The following USP10 variants were observed in gnomAD, a reference collection of about 807,000 sequenced individuals.
USP10 encodes ubiquitin specific peptidase 10.
Under a neutral mutation model 84.5 loss-of-function variants are expected in USP10, and 22 were observed. The ratio of observed to expected loss-of-function variants is 0.26; its 90% CI spans 0.19 to 0.37. USP10 has a LOEUF of 0.37. USP10 is among the 10% of genes least tolerant of loss of function. The pLI, the probability that USP10 is intolerant of heterozygous loss-of-function variation, is 1.00. For missense variants in USP10, 1,019 were observed against 998.9 expected, an observed-to-expected ratio of 1.02 and a Z score of -0.27; for synonymous variants, 454 against 387.6, an observed-to-expected ratio of 1.17 and a Z score of -2.01.
chr16:84,735,676 TTTTA>T (rs1300573377), intron 2 of USP10, among the ~76,000 whole-genome samples: 7 of 152,212 alleles, frequency 4.6e-5, no homozygotes, highest in Non-Finnish European at 8.8e-5. Context: ...ATGCCAAACC[TTTTA>T]TTCACAGAAG....
chr16:84,733,412 G>A, intron 1 of USP10, 23 bp from the exon 2 acceptor site: 2 of 1,543,804 alleles, frequency 1.3e-6, no homozygotes, highest in Non-Finnish European at 1.8e-6. Flanking sequence ...TATGTGATCA[G>A]TGACTCTCTT....
intron 4 of USP10, among the ~76,000 whole-genome samples, chr16:84,755,037 A>C (rs1483302294): frequency 1.3e-5 from 2 of 151,322 alleles, no homozygotes; most frequent in African/African-American, 2.4e-5. Flanking sequence ...TAGTGCAGCC[A>C]GTTCTTGATG....
chr16:84,726,854 G>A (rs1303905657), intron 1 of USP10, among the ~76,000 whole-genome samples: 4 of 152,240 alleles, frequency 2.6e-5, no homozygotes, highest in Non-Finnish European at 5.9e-5. Flanking sequence ...CCGCCCCTGG[G>A]CATTTCCTAT....
At chr16:84,744,087 CTT>C (rs1220109743) in intron 3 of USP10, among the ~76,000 whole-genome samples, 1 of 147,518 alleles carries the variant, frequency 6.8e-6, no homozygotes, top group Non-Finnish European at 1.5e-5. Context: ...TTTTTGACAT[CTT>C]TTTTTTTTGT....
intron 10 of USP10, among the ~76,000 whole-genome samples, chr16:84,767,113 A>T (rs761679774): frequency 6.6e-6 from 1 of 152,134 alleles, no homozygotes; most frequent in Non-Finnish European, 1.5e-5. Context: ...GAGCATGGAG[A>T]TGCGTAATTA....
intron 1 of USP10, among the ~76,000 whole-genome samples, chr16:84,729,024 C>T (rs868560364): frequency 2.0e-5 from 3 of 151,986 alleles, no homozygotes; most frequent in African/African-American, 4.8e-5. Context: ...TCTTGAACTC[C>T]TGAAGTCAAG....
intron 1 of USP10, among the ~76,000 whole-genome samples, chr16:84,704,054 A>G (rs1465993298): frequency 6.6e-6 from 1 of 152,260 alleles, no homozygotes; most frequent in Non-Finnish European, 1.5e-5. Flanking sequence ...TGCCAAGCCT[A>G]AGCGGCACGT....
chr16:84,711,719 CTTTTTTTTTTT>C (rs10706586), intron 1 of USP10, among the ~76,000 whole-genome samples: 2 of 114,268 alleles, frequency 1.8e-5, no homozygotes, highest in African/African-American at 3.7e-5. Flanking sequence ...GAAGGGCTAG[CTTTTTTTTTTT>C]TTTTTTTTTT....
At chr16:84,746,012 A>G (rs971806514) in intron 4 of USP10, among the ~76,000 whole-genome samples, 39 of 152,288 alleles carry the variant, frequency 2.6e-4, no homozygotes, top group African/African-American at 8.4e-4. Context: ...TACCTTTGGT[A>G]TGATAATCCT....
At chr16:84,723,727 T>C (rs1327757922) in intron 1 of USP10, among the ~76,000 whole-genome samples, 1 of 152,234 alleles carries the variant, frequency 6.6e-6, no homozygotes, top group Non-Finnish European at 1.5e-5. Flanking sequence ...AAATCAGCTT[T>C]ATGGAGGTAT....
At chr16:84,720,652 C>T (rs1207187031) in intron 1 of USP10, among the ~76,000 whole-genome samples, 1 of 125,440 alleles carries the variant, frequency 8.0e-6, no homozygotes, top group Non-Finnish European at 1.6e-5. Flanking sequence ...TGCGATCTTG[C>T]CTTACTGCAA....
intron 1 of USP10, among the ~76,000 whole-genome samples, chr16:84,706,287 G>C (rs192372236): frequency 2.2e-4 from 33 of 152,040 alleles, no homozygotes; most frequent in African/African-American, 6.5e-4. Flanking sequence ...AATTCTAGAG[G>C]TTTTCGAGAT....
chr16:84,760,218 T>A lies in USP10; in HGVS notation c.1497T>A (p.Phe499Leu). The A allele has an allele frequency of 6.2e-7, 1 of 1,611,434 alleles. No homozygotes were observed. Among genetic ancestry groups the A allele is most frequent in the Non-Finnish European group, 8.5e-7 (1 of 1,178,708 alleles). ...GGGATATTCGCCCTGGAGCTGCCTT[T>A]GAGCCCACATATATTTACAGACTCC... is the stretch of plus-strand genomic sequence containing the variant. ...IVRDIRPGAA[F>L]EPTYIYRLLT... The change falls in exon 8 of 14, where the codon TTT becomes TTA. Residue 499 changes from phenylalanine (F) to leucine (L), a missense_variant. Around this residue, in one of 2 missense-constraint regions of USP10, gnomAD observed 787 missense variants for 708.8 expected, o/e 1.11. Transcript: ENST00000219473.
Position 84,744,659 on chromosome 16 carries a change from G to C in USP10, c.178G>C (p.Gly60Arg). Residue 60 changes from glycine to arginine, a missense_variant, in exon 4 of 14, where the codon GGT becomes CGT. Gly to Arg is a moderately radical substitution (Grantham distance 125, BLOSUM62 -2). Around this residue, in one of 2 missense-constraint regions of USP10, gnomAD observed 787 missense variants for 708.8 expected, o/e 1.11. Coordinates refer to ENST00000219473, the MANE Select transcript of USP10 (RefSeq NM_005153.3). ...ACAAGAATATCAGAGAATTGAGTTT[G>C]GTGTCGATGAAGTCATTGAACCCAG... ...DGQEYQRIEF[G>R]VDEVIEPSDT... The C allele has an allele frequency of 1.2e-6, 2 of 1,610,836 alleles. No individual in the cohort carries two copies. Among genetic ancestry groups the C allele is most frequent in the Non-Finnish European group, 1.7e-6 (2 of 1,177,876 alleles).
intron 13 of USP10, among the ~76,000 whole-genome samples, chr16:84,775,563 T>C (rs1914918193): frequency 6.6e-6 from 1 of 152,214 alleles, no homozygotes; most frequent in South Asian, 2.1e-4. Context: ...GACAGTGCTG[T>C]GGAGTTTCCA....
rs534810817 is a variant in USP10, at chr16:84,779,039, G to A, written c.2354G>A (p.Arg785His). 2 of 1,613,954 alleles carry A rather than the reference G, an allele frequency of 1.2e-6. No individual in the cohort carries two copies. Among genetic ancestry groups the A allele is most frequent in the East Asian group, 2.2e-5 (1 of 44,880 alleles). ...QYQVVKPTAE[R>H]TAYLLYYRRV... ...CAGGTGGTGAAACCAACTGCTGAAC[G>A]CACAGCCTACCTCCTGTATTACCGC... The change falls in exon 14 of 14, where the codon CGC becomes CAC. Residue 785 changes from arginine to histidine, a missense_variant. By Grantham distance (29) the Arg-to-His change is conservative. Transcript: ENST00000219473.
At chr16:84,706,854 A>G (rs953406996) in intron 1 of USP10, among the ~76,000 whole-genome samples, 3 of 151,706 alleles carry the variant, frequency 2.0e-5, no homozygotes, top group East Asian at 1.9e-4. Context: ...CTATATATAT[A>G]TTTATTCAAG....
intron 1 of USP10, among the ~76,000 whole-genome samples, chr16:84,720,410 A>G (rs2150777225): frequency 6.6e-6 from 1 of 152,124 alleles, no homozygotes; most frequent in African/African-American, 2.4e-5. Flanking sequence ...TTTTGGCAGT[A>G]ATTGTCTTTG....
chr16:84,703,301 T>C (rs188529294), intron 1 of USP10, among the ~76,000 whole-genome samples: 138 of 152,338 alleles, frequency 9.1e-4, no homozygotes, highest in African/African-American at 2.9e-3. Context: ...CGAAAAAATA[T>C]TTGTGATTAT....
Sources: allele counts gnomAD v4.1 joint callset (sites outside exome capture counted in the v4.1 genomes callset), GRCh38; gene constraint gnomAD v4.1.1; regional missense constraint gnomAD v4.1.1; transcripts MANE v1.5; gene names NCBI Gene and HGNC (gene_info 2026-07-23, HGNC 2026-07-21).